Variants in ELAVL4 observed in about 807,000 individuals in gnomAD.
The protein encoded by ELAVL4 is ELAV-like protein 4.
A neutral mutation model predicts 35.6 loss-of-function variants in ELAVL4; 1 was observed. That is an observed-to-expected ratio of 0.03 (90% confidence interval 0.01 to 0.13). The LOEUF (loss-of-function observed/expected upper bound fraction) is 0.13. Ranked by LOEUF, ELAVL4 falls within the 10% of genes least tolerant of loss-of-function variation. The probability of loss-of-function intolerance (pLI) is 1.00; values close to 1 mark genes in which losing one functional copy is unlikely to be tolerated. For missense variants in ELAVL4, 267 were observed against 464.9 expected, an observed-to-expected ratio of 0.57 and a Z score of 3.91; for synonymous variants, 156 against 171.0, an observed-to-expected ratio of 0.91 and a Z score of 0.69.
At chr1:50,129,953 AG>A (rs1247611009) in intron 1 of ELAVL4, among the ~76,000 whole-genome samples, 1 of 152,142 alleles carries the variant, frequency 6.6e-6, no homozygotes, top group Non-Finnish European at 1.5e-5. Context: ...CAAGACAGAT[AG>A]AATTGTTCAC....
chr1:50,192,519 GCACACACACACACACACACACACACACA>G (rs5774068), intron 3 of ELAVL4, among the ~76,000 whole-genome samples: 2 of 140,336 alleles, frequency 1.4e-5, no homozygotes, highest in African/African-American at 5.3e-5. Flanking sequence ...TTGTGTGCAC[GCACACACACACACACACACACACACACA>G]CACACACACA....
At chr1:50,188,022 G>T (rs1190393212) in intron 3 of ELAVL4, among the ~76,000 whole-genome samples, 1 of 152,154 alleles carries the variant, frequency 6.6e-6, no homozygotes, top group Non-Finnish European at 1.5e-5. Flanking sequence ...TTGAACTCAG[G>T]AGGCAGAGGT....
At chr1:50,149,051 A>G (rs1231281112) in intron 2 of ELAVL4, among the ~76,000 whole-genome samples, 4 of 151,988 alleles carry the variant, frequency 2.6e-5, no homozygotes, top group African/African-American at 9.7e-5. Context: ...ATAAGTGTTT[A>G]TCTTGTTACC....
chr1:50,110,037 G>A (rs1666797746), intron 1 of ELAVL4: 4 of 1,569,062 alleles, frequency 2.5e-6, no homozygotes, highest in Non-Finnish European at 3.5e-6. Context: ...GCTTGTATGT[G>A]TGTATGTGTA....
intron 6 of ELAVL4, 113 bp from the exon 7 acceptor site, chr1:50,200,738 C>A (rs1377029627): frequency 3.9e-6 from 6 of 1,520,590 alleles, no homozygotes; most frequent in Non-Finnish European, 5.3e-6. Flanking sequence ...CCTGAAGACT[C>A]TCCTGTAAAC....
intron 1 of ELAVL4, chr1:50,109,761 T>A: frequency 1.5e-6 from 1 of 666,322 alleles, no homozygotes. Flanking sequence ...TTTCAAAGAG[T>A]TTCCTGTCAT....
intron 1 of ELAVL4, among the ~76,000 whole-genome samples, chr1:50,070,314 C>A (rs1372784813): frequency 6.6e-6 from 1 of 152,186 alleles, no homozygotes; most frequent in Non-Finnish European, 1.5e-5. Flanking sequence ...GATTCCCACT[C>A]ATTTATTACT....
At chr1:50,161,554 CAG>C (rs1373039944) in intron 2 of ELAVL4, among the ~76,000 whole-genome samples, 1 of 152,004 alleles carries the variant, frequency 6.6e-6, no homozygotes, top group African/African-American at 2.4e-5. Flanking sequence ...TCTGAACAAA[CAG>C]AAGAAAAATC....
chr1:50,191,398 C>T (rs910372140), intron 3 of ELAVL4, among the ~76,000 whole-genome samples: 1 of 152,168 alleles, frequency 6.6e-6, no homozygotes, highest in Admixed American at 6.5e-5. Context: ...TTCTGGGTGC[C>T]TGACTCTCAG....
chr1:50,083,257 G>T (rs1163614583), intron 1 of ELAVL4, among the ~76,000 whole-genome samples: 1 of 151,810 alleles, frequency 6.6e-6, no homozygotes, highest in Non-Finnish European at 1.5e-5. Context: ...TGAGACACTG[G>T]GTATTGGTTT....
At position 50,109,015 on chromosome 1, in the gene ELAVL4, T is replaced by TCGGGGGGGGGCG; in HGVS notation, c.-174_-173insGGGGGGGGGCGC. ...GCTCCTTTTCTTTTTTTTCTTTCTC[T>TCGGGGGGGGGCG]CCCCCGCCCACCCCCCCAAAAATAA... is the stretch of plus-strand genomic sequence containing the variant. On this transcript the variant is annotated 5_prime_UTR_variant, in exon 1 of 7. Coordinates refer to ENST00000371824, the MANE Select transcript of ELAVL4 (RefSeq NM_001144774.3). 1 of 961,066 alleles carries TCGGGGGGGGGCG rather than the reference T, an allele frequency of 1.0e-6. No homozygotes were observed. Among genetic ancestry groups the TCGGGGGGGGGCG allele is most frequent in the Non-Finnish European group, 1.2e-6 (1 of 816,948 alleles). The allele number at this position is 961,066 out of a possible 1,614,324, so 59.5% of individuals were successfully genotyped here.
chr1:50,178,447 A>C (rs996618615), intron 3 of ELAVL4, among the ~76,000 whole-genome samples: 7 of 152,206 alleles, frequency 4.6e-5, no homozygotes, highest in Admixed American at 3.9e-4. Context: ...TTTTTAGAAT[A>C]TGTGATTATC....
intron 1 of ELAVL4, among the ~76,000 whole-genome samples, chr1:50,072,405 C>G (rs536298109): frequency 1.3e-5 from 2 of 152,284 alleles, no homozygotes; most frequent in South Asian, 4.1e-4. Context: ...CCCTGTATTC[C>G]TTCTCCAGCA....
chr1:50,164,306 T>C (rs375370474), intron 2 of ELAVL4, among the ~76,000 whole-genome samples: 2 of 152,200 alleles, frequency 1.3e-5, no homozygotes, highest in Admixed American at 1.3e-4. Context: ...GTCTGGCTTC[T>C]GTTTGCACAT....
chr1:50,117,416 T>C (rs909111488), intron 1 of ELAVL4, among the ~76,000 whole-genome samples: 2 of 152,136 alleles, frequency 1.3e-5, no homozygotes, highest in Non-Finnish European at 2.9e-5. Flanking sequence ...ACGGTGTGCC[T>C]GTACAGGCAA....
intron 1 of ELAVL4, among the ~76,000 whole-genome samples, chr1:50,135,833 A>G (rs1461513206): frequency 6.6e-6 from 1 of 152,136 alleles, no homozygotes; most frequent in Non-Finnish European, 1.5e-5. Flanking sequence ...TTTGGGAAAC[A>G]TGAGTGCAGT....
intron 1 of ELAVL4, among the ~76,000 whole-genome samples, chr1:50,123,990 T>C (rs1364720696): frequency 1.3e-5 from 2 of 152,142 alleles, no homozygotes; most frequent in Non-Finnish European, 2.9e-5. Flanking sequence ...TTTATCTTTA[T>C]GCTTGGCACC....
At chr1:50,094,148 C>T (rs11583200) in intron 1 of ELAVL4, among the ~76,000 whole-genome samples, 73,058 of 152,040 alleles carry the variant, frequency 0.48, 19,589 homozygotes, top group Non-Finnish European at 0.61. Context: ...GAAGCTTTGT[C>T]TAGGAAAGGT....
intron 2 of ELAVL4, among the ~76,000 whole-genome samples, chr1:50,152,936 G>A (rs1174130279): frequency 2.0e-5 from 3 of 152,158 alleles, no homozygotes; most frequent in Non-Finnish European, 4.4e-5. Flanking sequence ...AGACCAAATA[G>A]ATATTATTCC....
Sources: allele counts gnomAD v4.1 joint callset (sites outside exome capture counted in the v4.1 genomes callset), GRCh38; gene constraint gnomAD v4.1.1; transcripts MANE v1.5; gene names NCBI Gene and HGNC (gene_info 2026-07-23, HGNC 2026-07-21).